The following GALNT14 variants were observed in gnomAD, a reference collection of about 807,000 sequenced individuals.
The protein encoded by GALNT14 is UDP-GalNAc:polypeptide N-acetylgalactosaminyltransferase 14.
GALNT14 carries 60 observed loss-of-function variants against 77.5 expected under a neutral mutation model. That is an observed-to-expected ratio of 0.77 (90% CI 0.63 to 0.96). The LOEUF is 0.96. Among genes scored for constraint, GALNT14 ranks in the 40% least tolerant of loss-of-function variants. The pLI, the probability that GALNT14 is intolerant of heterozygous loss-of-function variation, is 0.00. For synonymous variants in GALNT14, 280 were observed against 281.7 expected (o/e 0.99, Z 0.06); for missense variants, 710 against 731.0 (o/e 0.97, Z 0.33).
intron 1 of GALNT14, among the ~76,000 whole-genome samples, chr2:31,111,989 T>G (rs1014114887): frequency 1.3e-5 from 2 of 150,016 alleles, no homozygotes; most frequent in Non-Finnish European, 2.9e-5. Context: ...TAAAACTGTG[T>G]ACTTGCTTTT....
chr2:31,111,312 G>C (rs1314874454), intron 1 of GALNT14, among the ~76,000 whole-genome samples: 1 of 152,202 alleles, frequency 6.6e-6, no homozygotes, highest in African/African-American at 2.4e-5. Context: ...GCAGGACTTC[G>C]CAAGTCTCCA....
At chr2:30,975,520 CAT>C (rs1387283221) in intron 2 of GALNT14, among the ~76,000 whole-genome samples, 1 of 152,154 alleles carries the variant, frequency 6.6e-6, no homozygotes, top group Non-Finnish European at 1.5e-5. Context: ...AAATTGATCA[CAT>C]GTCAAAATGT....
At chr2:31,110,035 A>G (rs879668331) in intron 1 of GALNT14, among the ~76,000 whole-genome samples, 7 of 152,180 alleles carry the variant, frequency 4.6e-5, no homozygotes, top group Admixed American at 4.6e-4. Context: ...TTTATTTCCA[A>G]CAATCACAGG....
intron 1 of GALNT14, among the ~76,000 whole-genome samples, chr2:31,041,027 G>A: frequency 6.6e-6 from 1 of 152,172 alleles, no homozygotes; most frequent in East Asian, 1.9e-4. Flanking sequence ...TGTGGGGACT[G>A]TATGGGAAGG....
intron 1 of GALNT14, among the ~76,000 whole-genome samples, chr2:31,069,965 G>A (rs1049590826): frequency 6.6e-6 from 1 of 152,132 alleles, no homozygotes; most frequent in Admixed American, 6.5e-5. Flanking sequence ...CCTGGACCGA[G>A]AGAAGAGGAG....
At chr2:31,087,494 G>GGAGAGGAGAGGAGAA (rs1395020695) in intron 1 of GALNT14, among the ~76,000 whole-genome samples, 2 of 151,972 alleles carry the variant, frequency 1.3e-5, no homozygotes, top group African/African-American at 4.8e-5. Context: ...GGAGAAGAGA[G>GGAGAGGAGAGGAGAA]GAGAGGAGAG....
intron 1 of GALNT14, among the ~76,000 whole-genome samples, chr2:31,019,483 G>A (rs1247560866): frequency 6.6e-6 from 1 of 152,144 alleles, no homozygotes; most frequent in Non-Finnish European, 1.5e-5. Context: ...CACTCTCTGA[G>A]AAGCTATCTG....
chr2:31,061,592 G>A (rs1674594257), intron 1 of GALNT14, among the ~76,000 whole-genome samples: 1 of 152,078 alleles, frequency 6.6e-6, no homozygotes. Context: ...TCATCATCCT[G>A]TAGCTCATAT....
chr2:31,041,623 G>C (rs901370917), intron 1 of GALNT14, among the ~76,000 whole-genome samples: 3 of 152,152 alleles, frequency 2.0e-5, no homozygotes, highest in Non-Finnish European at 1.5e-5. Flanking sequence ...GGGATCCCAT[G>C]CTACGGCATT....
chr2:31,047,724 A>G (rs1573238167), intron 1 of GALNT14, among the ~76,000 whole-genome samples: 1 of 152,178 alleles, frequency 6.6e-6, no homozygotes, highest in African/African-American at 2.4e-5. Flanking sequence ...TTTTCAAGAC[A>G]TGGATTCCTG....
At chr2:30,896,553 A>G in the GALNT14 span, among the ~76,000 whole-genome samples, 1 of 152,214 alleles carries the variant, frequency 6.6e-6, no homozygotes, top group Non-Finnish European at 1.5e-5. Flanking sequence ...TTTTATGTGC[A>G]TTGACTAAGG....
At chr2:30,999,371 G>C (rs1443738057) in intron 1 of GALNT14, among the ~76,000 whole-genome samples, 1 of 152,200 alleles carries the variant, frequency 6.6e-6, no homozygotes, top group Non-Finnish European at 1.5e-5. Context: ...TGGCCATTTG[G>C]TACTAGTCTA....
At chr2:31,024,491 C>T (rs1671923053) in intron 1 of GALNT14, among the ~76,000 whole-genome samples, 1 of 152,160 alleles carries the variant, frequency 6.6e-6, no homozygotes, top group African/African-American at 2.4e-5. Flanking sequence ...GCCGAGCTGC[C>T]ACCTCAGGGC....
chr2:31,070,521 C>T (rs1177294979), intron 1 of GALNT14, among the ~76,000 whole-genome samples: 1 of 152,228 alleles, frequency 6.6e-6, no homozygotes, highest in African/African-American at 2.4e-5. Context: ...AACCCTGTGA[C>T]TCATCCATTT....
intron 11 of GALNT14, among the ~76,000 whole-genome samples, chr2:30,926,321 T>A (rs534772865): frequency 3.3e-5 from 5 of 152,258 alleles, no homozygotes; most frequent in African/African-American, 1.2e-4. Flanking sequence ...GGTTGACACC[T>A]AGATTTCTGA....
At chr2:30,956,792 C>T (rs371249495) in intron 4 of GALNT14, among the ~76,000 whole-genome samples, 15 of 152,338 alleles carry the variant, frequency 9.8e-5, no homozygotes, top group African/African-American at 3.6e-4. Flanking sequence ...CAGGCATGAG[C>T]CTCTGTGCCC....
At chr2:30,964,678 G>A (rs976324389) in intron 3 of GALNT14, among the ~76,000 whole-genome samples, 8 of 152,230 alleles carry the variant, frequency 5.3e-5, no homozygotes, top group Admixed American at 6.5e-5. Context: ...AGACAGGGCT[G>A]TCCCCTTGGA....
At chr2:30,924,917 C>G (rs933185190) in intron 11 of GALNT14, 94 bp from the exon 12 acceptor site, 2 of 931,546 alleles carry the variant, frequency 2.1e-6, no homozygotes, top group East Asian at 5.1e-5. Context: ...GAACACAAAG[C>G]GCGACCCATG....
At position 31,129,422 on chromosome 2, in the gene GALNT14, G is replaced by A. The variant is rs962207933; in HGVS notation, c.129+8536C>T. On this transcript the variant is annotated intron_variant, in intron 1 of 14. Transcript: ENST00000349752. Reference sequence around the variant, plus strand: ...ACCCTTTAATTAGTAAAGTCTTTCAGCTAGCTCCTCTTCTGATAAAGACCA... The same window carrying A: ...ACCCTTTAATTAGTAAAGTCTTTCAACTAGCTCCTCTTCTGATAAAGACCA... 9 of 985,262 alleles carry A rather than the reference G, an allele frequency of 9.1e-6. No homozygotes were observed. In the African/African-American group the frequency reaches 1.6e-4, roughly 17 times the overall value. The allele number at this position is 985,262 out of a possible 1,614,324, so 61.0% of individuals were successfully genotyped here.
Sources: gnomAD v4.1 joint callset for allele counts (sites outside exome capture counted in the v4.1 genomes callset) on GRCh38, gnomAD v4.1.1 for gene constraint, MANE v1.5 for transcripts, NCBI Gene and HGNC (gene_info 2026-07-23, HGNC 2026-07-21) for gene names.